Variants in AXIN1 observed in about 807,000 individuals in gnomAD.
The protein encoded by AXIN1 is axin 1.
Under a neutral mutation model 76.4 loss-of-function variants are expected in AXIN1, and 30 were observed. That is an observed-to-expected ratio of 0.39 (90% CI 0.29 to 0.53). The LOEUF is 0.53. AXIN1 is among the 20% of genes least tolerant of loss of function. The pLI is 0.66. For missense variants in AXIN1, 1,140 were observed against 1,198.8 expected, an observed-to-expected ratio of 0.95 and a Z score of 0.72; for synonymous variants, 545 against 501.4, an observed-to-expected ratio of 1.09 and a Z score of -1.16.
intron 2 of AXIN1, among the ~76,000 whole-genome samples, chr16:320,970 C>T (rs2053441365): frequency 6.6e-6 from 1 of 151,930 alleles, no homozygotes. Flanking sequence ...GAACGCCTGA[C>T]CTTGTGATCT....
intron 3 of AXIN1, among the ~76,000 whole-genome samples, chr16:314,075 CT>C (rs1222689454): frequency 6.6e-6 from 1 of 152,222 alleles, no homozygotes; most frequent in Non-Finnish European, 1.5e-5. Flanking sequence ...TGGCCTGTGC[CT>C]GTCTTTAAGC....
chr16:345,009 TA>T (rs1162366863), intron 2 of AXIN1, among the ~76,000 whole-genome samples: 1 of 152,118 alleles, frequency 6.6e-6, no homozygotes, highest in East Asian at 1.9e-4. Context: ...CTTTCAAAGT[TA>T]CACAGGCCGG....
At chr16:345,802 C>A (rs2054021777) in intron 2 of AXIN1, among the ~76,000 whole-genome samples, 1 of 151,978 alleles carries the variant, frequency 6.6e-6, no homozygotes, top group South Asian at 2.1e-4. Flanking sequence ...CGGAAAGGAC[C>A]ATGTCTACTG....
intron 2 of AXIN1, among the ~76,000 whole-genome samples, chr16:330,913 T>C (rs1030986871): frequency 2.0e-5 from 3 of 152,226 alleles, no homozygotes; most frequent in African/African-American, 7.2e-5. Flanking sequence ...TTGCAGGCAA[T>C]TTAGAGTCAT....
intron 2 of AXIN1, among the ~76,000 whole-genome samples, chr16:321,916 G>T (rs1047975007): frequency 3.9e-5 from 6 of 152,242 alleles, no homozygotes; most frequent in Admixed American, 6.5e-5. Flanking sequence ...AAAGGCCTAA[G>T]TGGAGCCATC....
At chr16:329,975 T>C (rs2053662058) in intron 2 of AXIN1, among the ~76,000 whole-genome samples, 1 of 151,164 alleles carries the variant, frequency 6.6e-6, no homozygotes, top group South Asian at 2.1e-4. Context: ...ACCATGTTGG[T>C]CAGGCTGGTC....
At position 293,127 on chromosome 16, in the gene AXIN1, C is replaced by T. The variant is rs529185791; in HGVS notation, c.2186+361G>A. ...GCCGCCATGCCTCCAGGACCTCTGCCCTAAAGCCCAGGCTGCCCAGCAGCG... is the reference window on the plus strand; with the variant it reads ...GCCGCCATGCCTCCAGGACCTCTGCTCTAAAGCCCAGGCTGCCCAGCAGCG... On this transcript the variant is annotated intron_variant, in intron 8 of 10. Transcript: ENST00000262320. The surrounding 1 kb of genome is among the most constrained non-coding windows in gnomAD (Gnocchi z 4.6). The T allele has an allele frequency of 2.8e-6, 1 of 362,790 alleles. No homozygotes were observed. The highest frequency in any genetic ancestry group is 3.8e-5 in the South Asian group (1 of 26,212). 22.5% of individuals were successfully genotyped at this position (362,790 alleles called of 1,614,324 possible).
chr16:339,745 G>C (rs539332592), intron 2 of AXIN1, among the ~76,000 whole-genome samples: 1 of 151,892 alleles, frequency 6.6e-6, no homozygotes, highest in African/African-American at 2.4e-5. Context: ...AAGGAGACTA[G>C]AAACCCCCCA....
chr16:293,563 AG>A lies in AXIN1; in HGVS notation c.2110del (p.Leu704Ter). ...TCGGCGCGCCTCCTCCAGCTGGGTT[AG>A]GGGGTTGGGAGCTGGGTGGGGTGGC... ...TMPPHPAPNP[L>X]TQLEEARRRL... On this transcript the variant is annotated frameshift_variant, in exon 8 of 11. Transcript: ENST00000262320. LOFTEE classifies it high-confidence loss of function. This position sits in a 1 kb window ranked among gnomAD's most constrained non-coding sequence, Gnocchi z 4.6. 1 of 1,610,470 alleles carries A rather than the reference AG, an allele frequency of 6.2e-7. No homozygotes were observed. Among genetic ancestry groups the A allele is most frequent in the Non-Finnish European group, 8.5e-7 (1 of 1,179,066 alleles).
At chr16:348,939 A>T (rs185231400) in intron 1 of AXIN1, among the ~76,000 whole-genome samples, 1 of 151,830 alleles carries the variant, frequency 6.6e-6, no homozygotes, top group African/African-American at 2.4e-5. Flanking sequence ...TCTACTAAAA[A>T]TACAAAAAAT....
chr16:289,689 T>C (rs1359635209), intron 9 of AXIN1, 82 bp from the exon 10 acceptor site: 3 of 1,570,256 alleles, frequency 1.9e-6, no homozygotes, highest in South Asian at 1.1e-5. Context: ...AGGCTGCCAG[T>C]GTAAGGCGGG....
In AXIN1 at chr16:297,964, C is replaced by T. The variant is rs551862994; in HGVS notation, c.1542G>A (p.Gly514=). Residue 514 remains glycine (G), a synonymous_variant, in exon 6 of 11, where the codon GGG becomes GGA. Coordinates refer to ENST00000262320, the MANE Select transcript of AXIN1 (RefSeq NM_003502.4). ...TCGCCCCTGACTTGGGTACGTGCTT[C>T]CCGTGCCCCGAGGCGGCACCCCCCA... The part of the protein sequence containing the change: ...VALGGAASGH[G]KHVPKSGAKL... 6 of 1,602,746 alleles carry T rather than the reference C, an allele frequency of 3.7e-6. No homozygotes were observed. The African/African-American group carries it at 5.3e-5, about 14-fold the overall frequency.
At position 289,627 on chromosome 16, in the gene AXIN1, G is replaced by C. The variant is rs372806831; in HGVS notation, c.2295-20C>G. ...CTTGTCCTGGGGAAAGAGATGCAGC[G>C]GTGGTACCTGGTTTTGGACTGAGGT... On this transcript the variant is annotated intron_variant, in intron 9 of 10. Coordinates refer to ENST00000262320, the MANE Select transcript of AXIN1 (RefSeq NM_003502.4). The C allele has an allele frequency of 6.2e-7, 1 of 1,612,028 alleles. No homozygotes were observed. The highest frequency in any genetic ancestry group is 8.5e-7 in the Non-Finnish European group (1 of 1,179,752).
intron 2 of AXIN1, among the ~76,000 whole-genome samples, chr16:338,662 C>T (rs939869333): frequency 1.3e-5 from 2 of 152,232 alleles, no homozygotes; most frequent in African/African-American, 4.8e-5. Flanking sequence ...GTGGCTCACG[C>T]CTATAATTCC....
chr16:342,644 G>A (rs1343418392), intron 2 of AXIN1, among the ~76,000 whole-genome samples: 2 of 152,226 alleles, frequency 1.3e-5, no homozygotes, highest in East Asian at 1.9e-4. Context: ...CGCACGCACC[G>A]TGACTGTGCT....
rs775595791 is a variant in AXIN1 at position 293,477 on chromosome 16, C to A, written c.2186+11G>T. ...CCCCAAGACCCACCCCACCCCACGA[C>A]GCGGCCGTACCTCTGCTTGGAGGGT... On this transcript the variant is annotated intron_variant, in intron 8 of 10. Transcript: ENST00000262320. The surrounding 1 kb of genome is among the most constrained non-coding windows in gnomAD (Gnocchi z 4.6). 1 of 1,607,380 alleles carries A rather than the reference C, an allele frequency of 6.2e-7. No individual in the cohort carries two copies. Among genetic ancestry groups the A allele is most frequent in the Non-Finnish European group, 8.5e-7 (1 of 1,179,488 alleles).
chr16:328,427 G>A (rs1295208542), intron 2 of AXIN1, among the ~76,000 whole-genome samples: 3 of 152,082 alleles, frequency 2.0e-5, no homozygotes, highest in Non-Finnish European at 4.4e-5. Context: ...CAGGTGCAGT[G>A]GCTCACGCCT....
intron 2 of AXIN1, among the ~76,000 whole-genome samples, chr16:327,096 C>T (rs1438050654): frequency 2.0e-5 from 3 of 151,786 alleles, no homozygotes; most frequent in African/African-American, 7.3e-5. Flanking sequence ...GAGCCGAGAT[C>T]GCACCATTGC....
chr16:340,688 G>A (rs1001182411), intron 2 of AXIN1, among the ~76,000 whole-genome samples: 1 of 152,228 alleles, frequency 6.6e-6, no homozygotes, highest in African/African-American at 2.4e-5. Flanking sequence ...TGCAGAAAGT[G>A]TTCCCACAGA....
Sources: gnomAD v4.1 joint callset for allele counts (sites outside exome capture counted in the v4.1 genomes callset) on GRCh38, gnomAD v4.1.1 for gene constraint, Gnocchi (gnomAD v3.1) non-coding constraint, MANE v1.5 for transcripts, NCBI Gene and HGNC (gene_info 2026-07-23, HGNC 2026-07-21) for gene names.